SLX9: variants seen among roughly 807,000 people sequenced by gnomAD.
The protein encoded by SLX9 is ribosome biogenesis protein SLX9 homolog.
In SLX9, 19 loss-of-function variants were observed where a neutral mutation model predicts 20.8. The observed-to-expected ratio is 0.91, with a 90% CI of 0.64 to 1.34. SLX9 has a LOEUF of 1.34. Among genes scored for constraint, SLX9 ranks in the 40% most tolerant of loss-of-function variants. SLX9 has a pLI of 0.00. For missense variants in SLX9, 299 were observed against 322.2 expected (o/e 0.93, Z 0.55); for synonymous variants, 113 against 137.1 (o/e 0.82, Z 1.23).
chr21:44,973,282 A>G lies in SLX9; in HGVS notation c.569+17A>G. 6.2e-7 allele frequency: 1 copy of G among 1,610,646 alleles called. No homozygotes were observed. Among genetic ancestry groups the G allele is most frequent in the Non-Finnish European group, 8.5e-7 (1 of 1,179,472 alleles). The stretch of plus-strand genomic sequence containing the variant: ...GCAGCTTCTGTGAGTGCACCTGCCC[A>G]CCTCCTCAGGGGTTCAGCTCCTGAG... On this transcript the variant is annotated intron_variant, in intron 5 of 5. Transcript: ENST00000291634.
At chr21:44,969,828 A>G (rs1186418548) in intron 4 of SLX9, among the ~76,000 whole-genome samples, 1 of 152,210 alleles carries the variant, frequency 6.6e-6, no homozygotes, top group Non-Finnish European at 1.5e-5. Flanking sequence ...GGATCCGTAC[A>G]GGATCCCACG....
chr21:44,958,125 C>T (rs945160668), intron 2 of SLX9: 26 of 152,290 alleles, frequency 1.7e-4, no homozygotes, highest in African/African-American at 2.4e-4. Flanking sequence ...GTGAGGAGCT[C>T]GGGCTCGGCG....
At chr21:44,949,457 C>A (rs978336282) in intron 2 of SLX9, among the ~76,000 whole-genome samples, 1 of 152,146 alleles carries the variant, frequency 6.6e-6, no homozygotes, top group Non-Finnish European at 1.5e-5. Flanking sequence ...AGGGACCACA[C>A]TGCTGTCCGG....
intron 2 of SLX9, among the ~76,000 whole-genome samples, chr21:44,955,541 T>C (rs1230119497): frequency 1.3e-5 from 2 of 152,164 alleles, no homozygotes; most frequent in Non-Finnish European, 2.9e-5. Context: ...TGTGAGTCAG[T>C]GTCTTGCTCT....
rs140343861 is a variant in SLX9 at position 44,976,386 on chromosome 21, G to A, written c.570-294G>A. Among the ~76,000 whole-genome samples, 1,471 of 152,304 alleles carry A rather than the reference G, an allele frequency of 9.7e-3. 34 individuals carry two copies. The highest frequency in any genetic ancestry group is 0.033 in the African/African-American group (1,379 of 41,564). On this transcript the variant is annotated intron_variant, in intron 5 of 5. Coordinates refer to ENST00000291634, the MANE Select transcript of SLX9 (RefSeq NM_058190.4). ...GAGTCTGCAGGGCTTGGGAGTTGCC[G>A]CCGCGTTTCTCAGCCTTGGCGGCAG... is the stretch of plus-strand genomic sequence containing the variant.
chr21:44,968,202 ACCCAGTGACGCAACC>A (rs139775111), intron 4 of SLX9, among the ~76,000 whole-genome samples: 3,067 of 148,900 alleles, frequency 0.021, 119 homozygotes, highest in African/African-American at 0.073. Context: ...CAACCCCGCC[ACCCAGTGACGCAACC>A]CCCAGTGACA....
intron 3 of SLX9, 31 bp downstream of exon 3, chr21:44,960,199 G>C (rs2084929123): frequency 1.2e-6 from 2 of 1,605,312 alleles, no homozygotes; most frequent in East Asian, 2.2e-5. Flanking sequence ...TGAGGCAGCT[G>C]CCGGCCCAAG....
chr21:44,972,946 G>A (rs575271318), intron 4 of SLX9: 6 of 576,648 alleles, frequency 1.0e-5, no homozygotes, highest in Admixed American at 3.0e-5. Flanking sequence ...CTTGGGGCCC[G>A]CGGTCACAGG....
chr21:44,942,582 T>C (rs1486026682), intron 1 of SLX9, among the ~76,000 whole-genome samples: 1 of 152,226 alleles, frequency 6.6e-6, no homozygotes, highest in Non-Finnish European at 1.5e-5. Flanking sequence ...TACCTCTACC[T>C]TCAAGGTTTT....
In SLX9 at chr21:44,973,284, C is replaced by T; in HGVS notation, c.569+19C>T. ...AGCTTCTGTGAGTGCACCTGCCCAC[C>T]TCCTCAGGGGTTCAGCTCCTGAGTG... On this transcript the variant is annotated intron_variant, in intron 5 of 5. Transcript: ENST00000291634. 1 of 1,611,240 alleles carries T rather than the reference C, an allele frequency of 6.2e-7. No individual in the cohort carries two copies. Among genetic ancestry groups the T allele is most frequent in the Non-Finnish European group, 8.5e-7 (1 of 1,179,568 alleles).
At chr21:44,954,324 G>A (rs898625030) in intron 2 of SLX9, among the ~76,000 whole-genome samples, 48 of 152,156 alleles carry the variant, frequency 3.2e-4, no homozygotes, top group African/African-American at 1.0e-3. Flanking sequence ...TGTGGGTGCC[G>A]TGCACAGGCT....
At chr21:44,968,247 C>T (rs934977274) in intron 4 of SLX9, among the ~76,000 whole-genome samples, 46 of 151,728 alleles carry the variant, frequency 3.0e-4, no homozygotes, top group Admixed American at 1.2e-3. Context: ...CACCCGGTGA[C>T]GCAACCCCCA....
At chr21:44,939,904 C>A, upstream of SLX9, 1 of 730,716 alleles carries the variant, frequency 1.4e-6, no homozygotes, top group South Asian at 2.2e-5. Context: ...CGCCACCCTA[C>A]ACCCGCGACC....
At chr21:44,976,004 G>A (rs577605976) in intron 5 of SLX9, among the ~76,000 whole-genome samples, 3 of 152,368 alleles carry the variant, frequency 2.0e-5, no homozygotes, top group South Asian at 2.1e-4. Flanking sequence ...CCACCTCCCC[G>A]CCACCAGGCT....
intron 5 of SLX9, among the ~76,000 whole-genome samples, chr21:44,975,689 C>T (rs1430155609): frequency 6.6e-6 from 1 of 152,262 alleles, no homozygotes; most frequent in Non-Finnish European, 1.5e-5. Flanking sequence ...AATGTCCAGG[C>T]TGTGACTGGG....
At chr21:44,976,658 T>G in intron 5 of SLX9, 22 bp from the exon 6 acceptor site, 1 of 1,575,240 alleles carries the variant, frequency 6.3e-7, no homozygotes, top group African/African-American at 1.3e-5. Flanking sequence ...TGCCTGCTGA[T>G]CTGTGGTCTC....
intron 2 of SLX9, among the ~76,000 whole-genome samples, chr21:44,955,082 G>T (rs8132726): frequency 0.17 from 26,204 of 151,924 alleles, 2,399 homozygotes; most frequent in Non-Finnish European, 0.2. Flanking sequence ...TGGGTGTGGT[G>T]GTGTGTGCCT....
chr21:44,967,171 C>T lies in SLX9; in HGVS notation c.490C>T (p.Gln164Ter). The T allele has an allele frequency of 6.3e-7, 1 of 1,585,604 alleles. No individual in the cohort carries two copies. The highest frequency in any genetic ancestry group is 1.1e-5 in the South Asian group (1 of 87,256). The part of the protein sequence containing the change: ...LLGLEAGSRR[Q>*]ARSRESNKPR... Reference sequence around the variant, plus strand: ...GGGGCTCGAGGCTGGCAGCCGGCGCCAAGCCCGCAGGTGAGTGTCCGGGAG... The same window carrying T: ...GGGGCTCGAGGCTGGCAGCCGGCGCTAAGCCCGCAGGTGAGTGTCCGGGAG... Residue 164 changes from glutamine (Q) to a stop codon, truncating the protein, a stop_gained, in exon 4 of 6, where the codon CAA becomes TAA. Coordinates refer to ENST00000291634, the MANE Select transcript of SLX9 (RefSeq NM_058190.4). LOFTEE classifies it high-confidence loss of function.
intron 5 of SLX9, among the ~76,000 whole-genome samples, chr21:44,974,576 A>ATTTTTATT (rs946366204): frequency 6.6e-6 from 1 of 152,022 alleles, no homozygotes; most frequent in Admixed American, 6.5e-5. Context: ...TTTTATTTTT[A>ATTTTTATT]TTTTTTAGAG....
Sources: gnomAD v4.1 joint callset for allele counts (sites outside exome capture counted in the v4.1 genomes callset) on GRCh38, gnomAD v4.1.1 for gene constraint, MANE v1.5 for transcripts, NCBI Gene and HGNC (gene_info 2026-07-23, HGNC 2026-07-21) for gene names.